ECM1: variants seen among roughly 807,000 people sequenced by gnomAD.
The protein encoded by ECM1 is extracellular matrix protein 1.
A neutral mutation model predicts 57.9 loss-of-function variants in ECM1; 54 were observed. That is an observed-to-expected ratio of 0.93 (90% CI 0.75 to 1.17). The LOEUF is 1.17. Ranked by LOEUF, ECM1 falls within the 50% of genes most tolerant of loss-of-function variation. ECM1 has a pLI of 0.00. For missense variants in ECM1, 649 were observed against 688.1 expected, an observed-to-expected ratio of 0.94 and a Z score of 0.64; for synonymous variants, 237 against 259.1, an observed-to-expected ratio of 0.91 and a Z score of 0.82.
chr1:150,509,852 G>T, intron 3 of ECM1, 70 bp from the exon 4 acceptor site: 1 of 1,613,822 alleles, frequency 6.2e-7, no homozygotes, highest in Non-Finnish European at 8.5e-7. Context: ...GGAGGGAAGA[G>T]GCCCTCGCCC....
rs372052372 is a variant in ECM1, at chr1:150,512,593, C to T, written c.1304+21C>T. The T allele has an allele frequency of 1.5e-5, 24 of 1,613,572 alleles. No individual in the cohort carries two copies. The African/African-American group carries it at 3.2e-4, about 22-fold the overall frequency. On this transcript the variant is annotated intron_variant, in intron 8 of 9. Coordinates refer to ENST00000369047, the MANE Select transcript of ECM1 (RefSeq NM_004425.4). ...AAGCAGTAAGTTGCCTAGTCCTTCCCCACTCTCTTCCTTTCCCGAAAACTT... is the reference window on the plus strand; with the variant it reads ...AAGCAGTAAGTTGCCTAGTCCTTCCTCACTCTCTTCCTTTCCCGAAAACTT...
Position 150,510,157 on chromosome 1 carries a change from C to G in ECM1, c.360C>G (p.Leu120=), listed in dbSNP as rs1670399438. 6.2e-7 allele frequency: 1 copy of G among 1,613,978 alleles called. No individual in the cohort carries two copies. The highest frequency in any genetic ancestry group is 1.3e-5 in the African/African-American group (1 of 74,916). ...CCCTCCAAAAAGAGCTGCCCTCTCT[C>G]CAGCACCCCAATGAACAGAAGGAAG... ...AVPLQKELPS[L]QHPNEQKEGT... The change falls in exon 5 of 10, where the codon CTC becomes CTG. Residue 120 remains leucine (L), a synonymous_variant. Coordinates refer to ENST00000369047, the MANE Select transcript of ECM1 (RefSeq NM_004425.4).
intron 7 of ECM1, 84 bp from the exon 8 acceptor site, chr1:150,512,268 T>TA (rs1156640593): frequency 1.3e-6 from 2 of 1,483,454 alleles, no homozygotes; most frequent in African/African-American, 2.8e-5. Context: ...CTCATCTAGT[T>TA]GCCAGGGACG....
At position 150,511,030 on chromosome 1, in the gene ECM1, C is replaced by G. The variant is rs755195882; in HGVS notation, c.540C>G (p.Ile180Met). The stretch of plus-strand genomic sequence containing the variant: ...CTTCTCCAGACAATCTGAACCAAAT[C>G]TGCCTTCCTAACCGTCAGCATGTGG... Reference protein sequence around the residue: ...GRPSPDNLNQICLPNRQHVVY... With the variant: ...GRPSPDNLNQMCLPNRQHVVY... Residue 180 changes from isoleucine to methionine, a missense_variant, in exon 6 of 10, where the codon ATC becomes ATG. Physicochemically the swap from Ile to Met is conservative, Grantham distance 10. Transcript: ENST00000369047. 8.7e-6 allele frequency: 14 copies of G among 1,614,224 alleles called. No individual in the cohort carries two copies. In the South Asian group the frequency reaches 1.5e-4, roughly 18 times the overall value.
At chr1:150,511,272 C>G in intron 6 of ECM1, 74 bp downstream of exon 6, 1 of 1,602,200 alleles carries the variant, frequency 6.2e-7, no homozygotes, top group Non-Finnish European at 8.5e-7. Flanking sequence ...GGTTAGAGCA[C>G]TAGGCCTGGG....
intron 9 of ECM1, 88 bp downstream of exon 9, chr1:150,512,900 C>T (rs889739284): frequency 3.6e-6 from 5 of 1,403,812 alleles, no homozygotes; most frequent in South Asian, 3.5e-5. Flanking sequence ...TCTTTAGTAC[C>T]TCAAACCAGC....
At chr1:150,509,143 CAAGGT>C (rs1348798613) in intron 1 of ECM1, among the ~76,000 whole-genome samples, 3 of 152,182 alleles carry the variant, frequency 2.0e-5, no homozygotes, top group Non-Finnish European at 2.9e-5. Flanking sequence ...CCAACCAGCT[CAAGGT>C]CCAGACTTTT....
chr1:150,510,288 A>G (rs1670403373), intron 5 of ECM1, 106 bp downstream of exon 5: 2 of 1,067,836 alleles, frequency 1.9e-6, no homozygotes, highest in Non-Finnish European at 1.5e-6. Flanking sequence ...CACCAGTTGT[A>G]TAACCTTGGG....
intron 6 of ECM1, 54 bp downstream of exon 6, chr1:150,511,252 G>A: frequency 6.2e-7 from 1 of 1,608,978 alleles, no homozygotes; most frequent in Non-Finnish European, 8.5e-7. Context: ...GACAGTATGT[G>A]TGTTTTAAGG....
At position 150,509,644 on chromosome 1, in the gene ECM1, T is replaced by C. The variant is rs1560264380; in HGVS notation, c.122-17T>C. ...AGGAGGCACTGTGGGCTCTGATGTC[T>C]CCCCTCTTGCTTCTAGTTGGCTACG... On this transcript the variant is annotated splice_polypyrimidine_tract_variant and intron_variant, in intron 2 of 9. Coordinates refer to ENST00000369047, the MANE Select transcript of ECM1 (RefSeq NM_004425.4). 6 of 1,613,416 alleles carry C rather than the reference T, an allele frequency of 3.7e-6. No homozygotes were observed. In the African/African-American group the frequency reaches 8.0e-5, roughly 22 times the overall value.
In ECM1 at chr1:150,508,138, T is replaced by C; in HGVS notation, c.-72T>C. On this transcript the variant is annotated 5_prime_UTR_variant, in exon 1 of 10. Transcript: ENST00000369047. Reference sequence around the variant, plus strand: ...GTAACAGCCACCAGACAAGCTTCAGTGGCCGGCCCTTCACATCCAGACTTG... The same window carrying C: ...GTAACAGCCACCAGACAAGCTTCAGCGGCCGGCCCTTCACATCCAGACTTG... 1.4e-6 allele frequency: 2 copies of C among 1,434,748 alleles called. No individual in the cohort carries two copies. Among genetic ancestry groups the C allele is most frequent in the South Asian group, 2.3e-5 (2 of 87,400 alleles). The allele number at this position is 1,434,748 out of a possible 1,614,324, so 88.9% of individuals were successfully genotyped here. A position where few individuals can be genotyped will look rare whatever the true frequency, so the allele number is the denominator to read the frequency against.
chr1:150,509,608 A>T (rs755949098), intron 2 of ECM1, 27 bp downstream of exon 2: 4 of 1,613,940 alleles, frequency 2.5e-6, no homozygotes, highest in Middle Eastern at 3.3e-4. Flanking sequence ...GCAGCATGGG[A>T]TTGGGACTCC....
In ECM1 at chr1:150,510,107, C is replaced by T. The variant is rs760636611; in HGVS notation, c.310C>T (p.Pro104Ser). The change falls in exon 5 of 10, where the codon CCC (proline) becomes TCC (serine). Residue 104 changes from proline to serine, a missense_variant. Coordinates refer to ENST00000369047, the MANE Select transcript of ECM1 (RefSeq NM_004425.4). ...CCCTCACCCCTATCTTGCAGTGGGT[C>T]CCCCTCTCCCTCAGGAAGCTGTCCC... ...AQLPAEKEVG[P>S]PLPQEAVPLQ... The T allele has an allele frequency of 1.9e-6, 3 of 1,613,870 alleles. No individual in the cohort carries two copies. The highest frequency in any genetic ancestry group is 1.3e-5 in the African/African-American group (1 of 74,910).
chr1:150,509,266 T>A (rs1670365426), intron 1 of ECM1: 1 of 559,848 alleles, frequency 1.8e-6, no homozygotes, highest in Admixed American at 3.0e-5. Flanking sequence ...CAATCCCGTA[T>A]GCCATACTCC....
In ECM1 at chr1:150,509,952, C is replaced by T. The variant is rs189389940; in HGVS notation, c.254C>T (p.Pro85Leu). ...VQPPPSQEAT[P>L]LQQEKLLPAQ... ...CCCCCTCCCTCTCAGGAGGCCACCCCTCTCCAACAGGAAAAGCTGCTACCT... is the reference window on the plus strand; with the variant it reads ...CCCCCTCCCTCTCAGGAGGCCACCCTTCTCCAACAGGAAAAGCTGCTACCT... Residue 85 changes from proline to leucine, a missense_variant, in exon 4 of 10, where the codon CCT (proline) becomes CTT (leucine). Pro to Leu is a moderately conservative substitution (Grantham distance 98, BLOSUM62 -3). Coordinates refer to ENST00000369047, the MANE Select transcript of ECM1 (RefSeq NM_004425.4). 54 of 1,614,230 alleles carry T rather than the reference C, an allele frequency of 3.3e-5. No individual in the cohort carries two copies. The Admixed American group carries it at 8.5e-4, about 25-fold the overall frequency.
rs375534923 is a variant in ECM1 at position 150,509,658 on chromosome 1, T to G, written c.122-3T>G. On this transcript the variant is annotated splice_polypyrimidine_tract_variant and splice_region_variant and intron_variant, in intron 2 of 9. Coordinates refer to ENST00000369047, the MANE Select transcript of ECM1 (RefSeq NM_004425.4). ...GCTCTGATGTCTCCCCTCTTGCTTC[T>G]AGTTGGCTACGCAGCTCCCCCCTCC... is the stretch of plus-strand genomic sequence containing the variant. 2.9e-5 allele frequency: 47 copies of G among 1,613,754 alleles called. 1 individual carries two copies. The Middle Eastern group carries it at 2.1e-3, about 73-fold the overall frequency.
intron 5 of ECM1, chr1:150,510,635 G>A (rs2101433246): frequency 1.6e-6 from 1 of 606,838 alleles, no homozygotes; most frequent in East Asian, 2.8e-5. Context: ...GGAGCAGGAA[G>A]CCCGAGCCTT....
In ECM1 at chr1:150,510,102, T is replaced by C; in HGVS notation, c.305T>C (p.Val102Ala). The change falls in exon 5 of 10, where the codon GTG (valine) becomes GCG (alanine). Residue 102 changes from valine to alanine, a missense_variant and splice_region_variant. Val to Ala is a moderately conservative substitution (Grantham distance 64). Transcript: ENST00000369047. ...LPAQLPAEKEVGPPLPQEAVP... is the reference protein window; with the variant it reads ...LPAQLPAEKEAGPPLPQEAVP... ...TGGTGCCCTCACCCCTATCTTGCAG[T>C]GGGTCCCCCTCTCCCTCAGGAAGCT... 2 of 1,614,082 alleles carry C rather than the reference T, an allele frequency of 1.2e-6. No individual in the cohort carries two copies. The highest frequency in any genetic ancestry group is 1.7e-6 in the Non-Finnish European group (2 of 1,179,908).
chr1:150,510,344 T>C, intron 5 of ECM1, 162 bp downstream of exon 5: 1 of 700,958 alleles, frequency 1.4e-6, no homozygotes, highest in Non-Finnish European at 2.5e-6. Context: ...TCTGTAAAAT[T>C]GAGGATATAC....
Sources: gnomAD v4.1 joint callset for allele counts (sites outside exome capture counted in the v4.1 genomes callset) on GRCh38, gnomAD v4.1.1 for gene constraint, MANE v1.5 for transcripts, NCBI Gene and HGNC (gene_info 2026-07-23, HGNC 2026-07-21) for gene names.